The following ABCC9 variants were observed in gnomAD, a reference collection of about 807,000 sequenced individuals.
ABCC9 encodes the protein ATP binding cassette subfamily C member 9, also known as ATP-binding cassette sub-family C member 9.
ABCC9 carries 95 observed loss-of-function variants against 188.3 expected under a neutral mutation model. That is an observed-to-expected ratio of 0.50 (90% CI 0.43 to 0.60). The LOEUF (loss-of-function observed/expected upper bound fraction) is 0.60. Among genes scored for constraint, ABCC9 ranks in the 20% least tolerant of loss-of-function variants. The pLI, the probability that ABCC9 is intolerant of heterozygous loss-of-function variation, is 0.00. For synonymous variants in ABCC9, 659 were observed against 652.7 expected, an observed-to-expected ratio of 1.01 and a Z score of -0.15; for missense variants, 1,102 against 1,876.3, an observed-to-expected ratio of 0.59 and a Z score of 7.62.
In ABCC9 at chr12:21,932,984, A is replaced by C. The variant is rs1413672974; in HGVS notation, c.284+798T>G. The stretch of plus-strand genomic sequence containing the variant: ...ATAGCAAAGACATGGAATCAACCTA[A>C]ATGTCCATCAATGATAGACTGGATA... On this transcript the variant is annotated intron_variant, in intron 4 of 39. Transcript: ENST00000261200. 2.0e-5 allele frequency among the ~76,000 whole-genome samples: 3 copies of C among 151,282 alleles called. No individual in the cohort carries two copies. The South Asian group carries it at 6.3e-4, about 32-fold the overall frequency.
chr12:21,900,557 C>T (rs1240066005), intron 12 of ABCC9, among the ~76,000 whole-genome samples: 1 of 152,078 alleles, frequency 6.6e-6, no homozygotes, highest in African/African-American at 2.4e-5. Flanking sequence ...AGCTAAAAAC[C>T]TTGAAAAAAG....
intron 37 of ABCC9, 62 bp downstream of exon 37, chr12:21,809,790 G>T: frequency 1.0e-6 from 1 of 957,734 alleles, no homozygotes; most frequent in Non-Finnish European, 1.7e-6. Context: ...ATAAAACGTA[G>T]ATAGACATAT....
At chr12:21,934,715 G>T (rs566098423) in intron 3 of ABCC9, among the ~76,000 whole-genome samples, 1 of 151,976 alleles carries the variant, frequency 6.6e-6, no homozygotes, top group Admixed American at 6.6e-5. Context: ...GTCTTGTTTT[G>T]TTCTTTTTTC....
chr12:21,843,676 A>G (rs769132815), intron 28 of ABCC9, among the ~76,000 whole-genome samples: 67 of 152,182 alleles, frequency 4.4e-4, no homozygotes, highest in Admixed American at 2.7e-3. Flanking sequence ...CTAAGTGACA[A>G]TCATGTCATC....
chr12:21,835,500 T>C (rs566459376), intron 30 of ABCC9, among the ~76,000 whole-genome samples: 1 of 152,278 alleles, frequency 6.6e-6, no homozygotes, highest in African/African-American at 2.4e-5. Flanking sequence ...TGGACTGATA[T>C]TTCAGCAATG....
chr12:21,817,346 AAAGT>A (rs1300392336), intron 32 of ABCC9, 39 bp from the exon 33 acceptor site: 1 of 1,605,656 alleles, frequency 6.2e-7, no homozygotes, highest in East Asian at 2.2e-5. Context: ...TAAATAAATT[AAAGT>A]AAGAAGTTGT....
chr12:21,818,745 T>C (rs1400474990), intron 31 of ABCC9, among the ~76,000 whole-genome samples: 1 of 151,372 alleles, frequency 6.6e-6, no homozygotes, highest in Non-Finnish European at 1.5e-5. Context: ...TGTGTGCTTA[T>C]GTCAGGATTA....
rs183359772 is a variant in ABCC9 at position 21,926,114 on chromosome 12, C to A, written c.285-51G>T. Reference sequence around the variant, plus strand: ...TAAAGCTGATGGTTCCAGATAATTTCTTATTTTTTTTCAAATTTTTTCATA... The same window carrying A: ...TAAAGCTGATGGTTCCAGATAATTTATTATTTTTTTTCAAATTTTTTCATA... On this transcript the variant is annotated intron_variant, in intron 4 of 39. Transcript: ENST00000261200. 6.5e-5 allele frequency: 104 copies of A among 1,612,286 alleles called. No homozygotes were observed. In the African/African-American group the frequency reaches 1.3e-3, roughly 20 times the overall value.
At chr12:21,909,295 TA>T (rs905222367) in intron 10 of ABCC9, among the ~76,000 whole-genome samples, 2 of 151,926 alleles carry the variant, frequency 1.3e-5, no homozygotes, top group African/African-American at 4.8e-5. Context: ...GGTTTTCTAT[TA>T]AAAAATGAAA....
rs1942631324 is a variant in ABCC9, at chr12:21,816,107, CT to C, written c.3893-215del. Among the ~76,000 whole-genome samples, 3 of 94,366 alleles carry C rather than the reference CT, an allele frequency of 3.2e-5. No individual in the cohort carries two copies. In the Admixed American group the frequency reaches 4.4e-4, roughly 14 times the overall value. The allele number at this position is 94,366 out of a possible 152,430, so 61.9% of individuals were successfully genotyped here. ...GTTTAAATCACATTCAAATAAACAC[CT>C]TTTGATTACGCACTTTTAAGACAGT... On this transcript the variant is annotated intron_variant, in intron 33 of 39. Transcript: ENST00000261200.
At chr12:21,882,988 T>A (rs1946695591) in intron 15 of ABCC9, 115 bp from the exon 16 acceptor site, 14 of 800,462 alleles carry the variant, frequency 1.7e-5, no homozygotes, top group Non-Finnish European at 6.3e-6. Context: ...GGATGTTATA[T>A]TTTAATTATT....
chr12:21,910,806 T>TA lies in ABCC9; in HGVS notation c.1164+19dup. ...TATAGCATTCTTAGGAAACAAATAG[T>TA]ATTCACAGCCTTTACATACCAGCAG... On this transcript the variant is annotated intron_variant, in intron 9 of 39. Coordinates refer to ENST00000261200, the MANE Select transcript of ABCC9 (RefSeq NM_020297.4). 1 of 1,597,438 alleles carries TA rather than the reference T, an allele frequency of 6.3e-7. No homozygotes were observed. Among genetic ancestry groups the TA allele is most frequent in the Non-Finnish European group, 8.6e-7 (1 of 1,165,256 alleles).
chr12:21,909,200 T>C (rs1164335776), intron 10 of ABCC9, among the ~76,000 whole-genome samples: 1 of 151,990 alleles, frequency 6.6e-6, no homozygotes, highest in Non-Finnish European at 1.5e-5. Flanking sequence ...TTTATATAAG[T>C]ATATTTTGAT....
At chr12:21,915,478 ATG>A (rs1261739917) in intron 7 of ABCC9, among the ~76,000 whole-genome samples, 188 bp downstream of exon 7, 410 of 9,642 alleles carry the variant, frequency 0.043, 52 homozygotes, top group African/African-American at 0.13. Context: ...GTGTGTATAT[ATG>A]TGTGTGTGTG....
intron 34 of ABCC9, among the ~76,000 whole-genome samples, chr12:21,815,286 G>GTTTTTTTTTTTTTTTTTTATTT (rs201636994): frequency 7.6e-6 from 1 of 132,322 alleles, no homozygotes; most frequent in Non-Finnish European, 1.6e-5. Context: ...TTTCTTCATG[G>GTTTTTTTTTTTTTTTTTTATTT]TTTTTTTTTT....
intron 31 of ABCC9, among the ~76,000 whole-genome samples, chr12:21,827,636 A>G (rs1943466968): frequency 6.6e-6 from 1 of 151,680 alleles, no homozygotes; most frequent in South Asian, 2.1e-4. Flanking sequence ...AGGGTTTGGG[A>G]ATAATGTTTT....
chr12:21,893,166 A>G (rs1452663331), intron 14 of ABCC9, among the ~76,000 whole-genome samples: 1 of 125,206 alleles, frequency 8.0e-6, no homozygotes, highest in Non-Finnish European at 1.7e-5. Context: ...ACACATTTTT[A>G]TAAGTAAAAA....
intron 16 of ABCC9, among the ~76,000 whole-genome samples, chr12:21,881,959 C>A (rs1173232635): frequency 6.6e-6 from 1 of 152,112 alleles, no homozygotes; most frequent in Admixed American, 6.5e-5. Flanking sequence ...CTAGCTTGTT[C>A]CACTCAATCA....
At chr12:21,827,793 G>A (rs190014062) in intron 31 of ABCC9, among the ~76,000 whole-genome samples, 306 of 152,266 alleles carry the variant, frequency 2.0e-3, no homozygotes, top group Admixed American at 4.2e-3. Flanking sequence ...AAAACTTTGT[G>A]AAAAATAACT....
Sources: gnomAD v4.1 joint callset for allele counts (sites outside exome capture counted in the v4.1 genomes callset) on GRCh38, gnomAD v4.1.1 for gene constraint, MANE v1.5 for transcripts, NCBI Gene and HGNC (gene_info 2026-07-23, HGNC 2026-07-21) for gene names.